Variants in FCHSD2 observed in about 807,000 individuals in gnomAD.
The protein encoded by FCHSD2 is F-BAR and double SH3 domains protein 2.
Under a neutral mutation model 108.1 loss-of-function variants are expected in FCHSD2, and 38 were observed. The observed-to-expected ratio is 0.35, with a 90% confidence interval of 0.27 to 0.46. FCHSD2 has a LOEUF of 0.46. Among genes scored for constraint, FCHSD2 ranks in the 20% least tolerant of loss-of-function variants. The pLI is 1.00. For missense variants in FCHSD2, 751 were observed against 897.8 expected (o/e 0.84, Z 2.09); for synonymous variants, 279 against 314.7 (o/e 0.89, Z 1.20).
In FCHSD2 at chr11:72,868,046, G is replaced by T; in HGVS notation, c.1147-20C>A. ...AATTATCTAGAGAACCAAGAAAATGGTCGGAAATCAAGGCTTTTATTATTC... is the reference window on the plus strand; with the variant it reads ...AATTATCTAGAGAACCAAGAAAATGTTCGGAAATCAAGGCTTTTATTATTC... On this transcript the variant is annotated intron_variant, in intron 12 of 19. Transcript: ENST00000409418. The T allele has an allele frequency of 1.3e-6, 2 of 1,545,750 alleles. No homozygotes were observed. Among genetic ancestry groups the T allele is most frequent in the Non-Finnish European group, 1.7e-6 (2 of 1,144,038 alleles).
chr11:72,999,315 C>CTT (rs777275615), intron 5 of FCHSD2, among the ~76,000 whole-genome samples: 817 of 103,624 alleles, frequency 7.9e-3, no homozygotes, highest in Middle Eastern at 0.011. Context: ...ACCAAAGATT[C>CTT]TTTTTTTTTT....
chr11:73,136,659 G>A (rs1861126869), intron 2 of FCHSD2, among the ~76,000 whole-genome samples: 1 of 152,132 alleles, frequency 6.6e-6, no homozygotes, highest in South Asian at 2.1e-4. Flanking sequence ...AAGTTGGCAG[G>A]GGGCACTGGT....
At chr11:73,050,461 G>A (rs1417911577) in intron 3 of FCHSD2, among the ~76,000 whole-genome samples, 1 of 152,036 alleles carries the variant, frequency 6.6e-6, no homozygotes, top group Non-Finnish European at 1.5e-5. Context: ...ATATGGGACG[G>A]GTCACCTTTA....
chr11:73,043,157 T>C (rs1361990170), intron 3 of FCHSD2, among the ~76,000 whole-genome samples: 1 of 152,234 alleles, frequency 6.6e-6, no homozygotes, highest in African/African-American at 2.4e-5. Context: ...GCTTTCAGCC[T>C]TTCCCTATTC....
chr11:73,082,993 G>A (rs978425460), intron 3 of FCHSD2, among the ~76,000 whole-genome samples: 2 of 152,080 alleles, frequency 1.3e-5, no homozygotes, highest in Non-Finnish European at 1.5e-5. Context: ...CCTAGGAAAA[G>A]CTCCATGTCA....
chr11:72,997,072 A>G (rs972094102), intron 5 of FCHSD2, among the ~76,000 whole-genome samples: 2 of 152,160 alleles, frequency 1.3e-5, no homozygotes, highest in Non-Finnish European at 2.9e-5. Flanking sequence ...AAGTCCAAAA[A>G]TCTGTATGCA....
chr11:72,891,792 T>C (rs750709159), intron 10 of FCHSD2, among the ~76,000 whole-genome samples: 5 of 152,220 alleles, frequency 3.3e-5, no homozygotes, highest in Admixed American at 6.5e-5. Context: ...ATCTGAAAAC[T>C]AGTGAAAATG....
intron 3 of FCHSD2, among the ~76,000 whole-genome samples, chr11:73,055,613 C>T (rs1859007600): frequency 6.6e-6 from 1 of 151,994 alleles, no homozygotes; most frequent in South Asian, 2.1e-4. Flanking sequence ...ATAATGTATA[C>T]AATATATTAG....
At chr11:72,974,234 C>T (rs1015017546) in intron 8 of FCHSD2, among the ~76,000 whole-genome samples, 5 of 152,118 alleles carry the variant, frequency 3.3e-5, no homozygotes, top group Admixed American at 6.5e-5. Flanking sequence ...GGCCTTCACG[C>T]TGTATCATCC....
rs550333086 is a variant in FCHSD2 at position 73,004,218 on chromosome 11, C to A, written c.243-3084G>T. ...GTTATGTATTTTACATTTATCATAT[C>A]ATTTAATCCTCATCGTAATTCTGTA... On this transcript the variant is annotated intron_variant, in intron 4 of 19. Transcript: ENST00000409418. Among the ~76,000 whole-genome samples, 10 of 149,494 alleles carry A rather than the reference C, an allele frequency of 6.7e-5. No individual in the cohort carries two copies. In the South Asian group the frequency reaches 1.9e-3, roughly 29 times the overall value.
At chr11:73,052,034 C>T (rs917730693) in intron 3 of FCHSD2, among the ~76,000 whole-genome samples, 1 of 152,070 alleles carries the variant, frequency 6.6e-6, no homozygotes, top group Non-Finnish European at 1.5e-5. Flanking sequence ...AATTCAGGAA[C>T]TGGTTAATGA....
chr11:72,906,454 T>G (rs1398448931), intron 9 of FCHSD2, among the ~76,000 whole-genome samples: 1 of 152,084 alleles, frequency 6.6e-6, no homozygotes, highest in African/African-American at 2.4e-5. Context: ...TCTATTTTGG[T>G]TTTTGTTGCC....
intron 13 of FCHSD2, among the ~76,000 whole-genome samples, chr11:72,856,737 G>C (rs922930987): frequency 1.3e-5 from 2 of 152,148 alleles, no homozygotes; most frequent in African/African-American, 4.8e-5. Flanking sequence ...ATGATACTGA[G>C]TCTTTTGCCA....
intron 12 of FCHSD2, among the ~76,000 whole-genome samples, chr11:72,879,816 T>C (rs1004954915): frequency 1.5e-4 from 22 of 151,676 alleles, no homozygotes; most frequent in Non-Finnish European, 2.9e-4. Context: ...ATTGAAATCA[T>C]AGAAGAGGAC....
chr11:73,051,025 T>A (rs1158575305), intron 3 of FCHSD2, among the ~76,000 whole-genome samples: 1 of 152,174 alleles, frequency 6.6e-6, no homozygotes, highest in Non-Finnish European at 1.5e-5. Flanking sequence ...GGAAATATTT[T>A]AAAAATCTTG....
At chr11:72,923,631 C>T (rs1409709617) in intron 8 of FCHSD2, among the ~76,000 whole-genome samples, 2 of 152,100 alleles carry the variant, frequency 1.3e-5, no homozygotes, top group Non-Finnish European at 2.9e-5. Context: ...CTACTCAAGT[C>T]CTTAACTCAT....
At chr11:72,889,160 C>A (rs1310246851) in intron 11 of FCHSD2, among the ~76,000 whole-genome samples, 1 of 151,722 alleles carries the variant, frequency 6.6e-6, no homozygotes, top group Non-Finnish European at 1.5e-5. Flanking sequence ...TTCACCGTAA[C>A]ACATGTTAGC....
intron 8 of FCHSD2, among the ~76,000 whole-genome samples, chr11:72,959,321 C>G (rs1591436369): frequency 6.7e-6 from 1 of 150,156 alleles, no homozygotes; most frequent in Non-Finnish European, 1.5e-5. Context: ...GCTCCACCCC[C>G]CAGGTTCACA....
intron 12 of FCHSD2, among the ~76,000 whole-genome samples, chr11:72,878,988 T>C (rs1169733373): frequency 6.6e-6 from 1 of 152,070 alleles, no homozygotes; most frequent in East Asian, 1.9e-4. Flanking sequence ...CGGGCACCTG[T>C]AATCCCAGCT....
Sources: gnomAD v4.1 joint callset for allele counts (sites outside exome capture counted in the v4.1 genomes callset) on GRCh38, gnomAD v4.1.1 for gene constraint, MANE v1.5 for transcripts, NCBI Gene and HGNC (gene_info 2026-07-23, HGNC 2026-07-21) for gene names.